Variants in FAM13A observed in about 807,000 individuals in gnomAD.
The protein encoded by FAM13A is family with sequence similarity 13 member A.
In FAM13A, 76 loss-of-function variants were observed where a neutral mutation model predicts 129.6. The ratio of observed to expected loss-of-function variants is 0.59; its 90% confidence interval spans 0.49 to 0.71. The LOEUF (loss-of-function observed/expected upper bound fraction) is 0.71, where lower values mean the gene tolerates loss of function less well. Among genes scored for constraint, FAM13A ranks in the 30% least tolerant of loss-of-function variants. FAM13A has a pLI of 0.00. For synonymous variants in FAM13A, 443 were observed against 449.9 expected, an observed-to-expected ratio of 0.98 and a Z score of 0.20; for missense variants, 1,108 against 1,249.3, an observed-to-expected ratio of 0.89 and a Z score of 1.70.
chr4:88,815,994 A>G, intron 7 of FAM13A, among the ~76,000 whole-genome samples: 1 of 152,044 alleles, frequency 6.6e-6, no homozygotes, highest in African/African-American at 2.4e-5. Context: ...TCTAAAAAAA[A>G]AAAAGAAAGG....
At chr4:88,987,969 A>G (rs570126228) in intron 4 of FAM13A, among the ~76,000 whole-genome samples, 2 of 152,118 alleles carry the variant, frequency 1.3e-5, no homozygotes, top group Non-Finnish European at 2.9e-5. Flanking sequence ...ACACTGCACA[A>G]TATTCCACAG....
intron 4 of FAM13A, among the ~76,000 whole-genome samples, chr4:88,972,783 T>A (rs1011591150): frequency 6.6e-6 from 1 of 152,184 alleles, no homozygotes; most frequent in South Asian, 2.1e-4. Flanking sequence ...ATTTTTGTAT[T>A]TTTTGGTAGA....
intron 9 of FAM13A, among the ~76,000 whole-genome samples, chr4:88,788,904 T>A (rs1350438053): frequency 6.6e-6 from 1 of 152,152 alleles, no homozygotes; most frequent in Non-Finnish European, 1.5e-5. Flanking sequence ...TCATAGTTAT[T>A]CAAATTTTAT....
chr4:88,783,447 G>GCC (rs1723350958), intron 10 of FAM13A, among the ~76,000 whole-genome samples: 2 of 151,950 alleles, frequency 1.3e-5, no homozygotes, highest in East Asian at 1.9e-4. Context: ...CTACAGGCAT[G>GCC]CGCCACCACA....
intron 6 of FAM13A, among the ~76,000 whole-genome samples, chr4:88,874,373 T>C (rs1357696295): frequency 2.6e-5 from 4 of 152,318 alleles, no homozygotes; most frequent in East Asian, 1.9e-4. Context: ...GATGACATGA[T>C]TGTATATTTA....
At chr4:88,906,567 T>C (rs1372926617) in intron 5 of FAM13A, 105 bp from the exon 6 acceptor site, 3 of 753,636 alleles carry the variant, frequency 4.0e-6, no homozygotes, top group African/African-American at 1.8e-5. Flanking sequence ...CATTTCTGGA[T>C]TGAGTTGTTC....
At chr4:88,944,863 A>G (rs1755403942) in intron 4 of FAM13A, among the ~76,000 whole-genome samples, 1 of 151,700 alleles carries the variant, frequency 6.6e-6, no homozygotes, top group Admixed American at 6.6e-5. Flanking sequence ...AGATCATGCC[A>G]CTGCACTCCA....
chr4:89,007,947 A>G (rs561104010), intron 3 of FAM13A, among the ~76,000 whole-genome samples: 1 of 152,338 alleles, frequency 6.6e-6, no homozygotes, highest in East Asian at 1.9e-4. Context: ...GAACAAGTAT[A>G]TTCTCAAAAA....
At chr4:88,826,610 C>A (rs1025880758) in intron 7 of FAM13A, among the ~76,000 whole-genome samples, 2 of 152,122 alleles carry the variant, frequency 1.3e-5, no homozygotes, top group Admixed American at 6.6e-5. Flanking sequence ...AAAACAGAAC[C>A]TCTCTCACTC....
At chr4:88,804,959 C>G (rs369371359) in intron 8 of FAM13A, 52 bp downstream of exon 8, 12 of 990,718 alleles carry the variant, frequency 1.2e-5, no homozygotes, top group Non-Finnish European at 1.8e-5. Context: ...CCCAAAGAAG[C>G]CTTAACCCTC....
chr4:88,776,915 A>T (rs754586620), intron 11 of FAM13A, among the ~76,000 whole-genome samples: 2 of 152,186 alleles, frequency 1.3e-5, no homozygotes, highest in Non-Finnish European at 2.9e-5. Flanking sequence ...GGGAGGTTGC[A>T]GTGAGCTGAG....
chr4:88,878,022 C>A (rs1215102483), intron 6 of FAM13A, among the ~76,000 whole-genome samples: 1 of 152,112 alleles, frequency 6.6e-6, no homozygotes, highest in Non-Finnish European at 1.5e-5. Flanking sequence ...GGCGCGGTGG[C>A]TCACGCCTGT....
At chr4:88,930,931 C>T (rs901017635) in intron 5 of FAM13A, among the ~76,000 whole-genome samples, 13 of 152,168 alleles carry the variant, frequency 8.5e-5, no homozygotes, top group African/African-American at 2.2e-4. Flanking sequence ...CTGTCCTTCC[C>T]ATGGCTAGGT....
chr4:88,902,061 A>C (rs1323823755), intron 6 of FAM13A, among the ~76,000 whole-genome samples: 3 of 152,172 alleles, frequency 2.0e-5, no homozygotes, highest in Non-Finnish European at 4.4e-5. Flanking sequence ...AAACAGGATG[A>C]AACTGAGTCT....
chr4:88,768,067 A>G lies in FAM13A; in HGVS notation c.1459-8T>C. ...ATTGAGACTTTCCATATTCTGTAAC[A>G]GAACCATTATTGGTTGCCTAATAGG... On this transcript the variant is annotated splice_region_variant and splice_polypyrimidine_tract_variant and intron_variant, in intron 11 of 23. Coordinates refer to ENST00000264344, the MANE Select transcript of FAM13A (RefSeq NM_014883.4). The G allele has an allele frequency of 1.3e-6, 2 of 1,571,948 alleles. No individual in the cohort carries two copies. The highest frequency in any genetic ancestry group is 1.1e-5 in the South Asian group (1 of 89,626).
At chr4:88,954,458 C>T (rs535415249) in intron 4 of FAM13A, among the ~76,000 whole-genome samples, 233 of 152,226 alleles carry the variant, frequency 1.5e-3, no homozygotes, top group Non-Finnish European at 3.0e-3. Flanking sequence ...TTCTAAGATG[C>T]GTAAACCAGA....
chr4:88,751,858 G>A (rs563426812), intron 14 of FAM13A, among the ~76,000 whole-genome samples: 5 of 152,230 alleles, frequency 3.3e-5, no homozygotes, highest in East Asian at 1.9e-4. Flanking sequence ...TTTACACAAC[G>A]GTAGAATTTG....
At chr4:88,876,023 C>G (rs1215787250) in intron 6 of FAM13A, among the ~76,000 whole-genome samples, 1 of 152,162 alleles carries the variant, frequency 6.6e-6, no homozygotes, top group African/African-American at 2.4e-5. Flanking sequence ...CCATCATTCT[C>G]AGCAAACTAT....
intron 6 of FAM13A, among the ~76,000 whole-genome samples, chr4:88,876,120 A>C (rs1393305623): frequency 4.6e-5 from 7 of 152,130 alleles, no homozygotes; most frequent in Non-Finnish European, 8.8e-5. Context: ...GGTGGGGAAC[A>C]TCCCACACCA....
Sources: gnomAD v4.1 joint callset for allele counts (sites outside exome capture counted in the v4.1 genomes callset) on GRCh38, gnomAD v4.1.1 for gene constraint, MANE v1.5 for transcripts, NCBI Gene and HGNC (gene_info 2026-07-23, HGNC 2026-07-21) for gene names.